ZBTB7C: variants seen among roughly 807,000 people sequenced by gnomAD.
The protein encoded by ZBTB7C is zinc finger and BTB domain-containing protein 7C.
Under a neutral mutation model 25.7 loss-of-function variants are expected in ZBTB7C, and 8 were observed. That is an observed-to-expected ratio of 0.31 (90% confidence interval 0.18 to 0.56). The LOEUF (loss-of-function observed/expected upper bound fraction) is 0.56. Ranked by LOEUF, ZBTB7C falls within the 20% of genes least tolerant of loss-of-function variation. The pLI, the probability that ZBTB7C is intolerant of heterozygous loss-of-function variation, is 0.91. For synonymous variants in ZBTB7C, 394 were observed against 369.0 expected, an observed-to-expected ratio of 1.07 and a Z score of -0.78; for missense variants, 824 against 855.2, an observed-to-expected ratio of 0.96 and a Z score of 0.46.
At chr18:48,158,270 C>G (rs1568265049) in intron 3 of ZBTB7C, among the ~76,000 whole-genome samples, 1 of 152,214 alleles carries the variant, frequency 6.6e-6, no homozygotes, top group Non-Finnish European at 1.5e-5. Flanking sequence ...TGCTTTTGGG[C>G]AGGGCTGCGA....
At chr18:48,231,865 G>C (rs71355335) in intron 2 of ZBTB7C, among the ~76,000 whole-genome samples, 3,305 of 152,336 alleles carry the variant, frequency 0.022, 62 homozygotes, top group Middle Eastern at 0.041. Flanking sequence ...CCCAGTGCCA[G>C]CCATGTAAGC....
At chr18:48,206,913 A>C (rs968777544) in intron 2 of ZBTB7C, among the ~76,000 whole-genome samples, 15 of 152,358 alleles carry the variant, frequency 9.8e-5, no homozygotes, top group African/African-American at 3.6e-4. Context: ...CACCATTAAA[A>C]GAGTAAAAAC....
chr18:48,342,428 C>G (rs2046625042), intron 1 of ZBTB7C, among the ~76,000 whole-genome samples: 1 of 151,970 alleles, frequency 6.6e-6, no homozygotes, highest in Non-Finnish European at 1.5e-5. Context: ...AGGGACAGGG[C>G]TGGGGGCAGG....
intron 3 of ZBTB7C, among the ~76,000 whole-genome samples, chr18:48,134,740 A>G (rs903547752): frequency 6.6e-6 from 1 of 152,248 alleles, no homozygotes; most frequent in African/African-American, 2.4e-5. Context: ...TGATCCAGAG[A>G]GAGATGCCAG....
chr18:48,355,425 C>T (rs2046956143), intron 1 of ZBTB7C, among the ~76,000 whole-genome samples: 1 of 152,188 alleles, frequency 6.6e-6, no homozygotes, highest in African/African-American at 2.4e-5. Context: ...CCCAGTTCGC[C>T]ACGGAATAAA....
chr18:48,349,694 C>A (rs766304211), intron 1 of ZBTB7C, among the ~76,000 whole-genome samples: 3 of 152,148 alleles, frequency 2.0e-5, no homozygotes, highest in Non-Finnish European at 4.4e-5. Context: ...ACTAGTTGGC[C>A]AGCCACACGC....
Position 48,040,899 on chromosome 18 carries a change from C to T in ZBTB7C, c.209G>A (p.Ser70Asn), listed in dbSNP as rs1013082900. 3 of 1,614,050 alleles carry T rather than the reference C, an allele frequency of 1.9e-6. No homozygotes were observed. The highest frequency in any genetic ancestry group is 2.7e-5 in the African/African-American group (2 of 74,916). ...GTCGATCTCATAGACGTAGGGCTGG[C>T]TGGCTAGGGTGCCGGCTGTGAAAAG... ...KKLFTAGTLA[S>N]QPYVYEIDFV... Residue 70 changes from serine to asparagine, a missense_variant, in exon 4 of 5, where the codon AGC (serine) becomes AAC (asparagine). Physicochemically the swap from Ser to Asn is conservative, Grantham distance 46. This residue lies in a region of ZBTB7C where 117 missense variants were observed against 167.7 expected (regional missense o/e 0.70). Coordinates refer to ENST00000590800, the MANE Select transcript of ZBTB7C (RefSeq NM_001318841.2).
intron 2 of ZBTB7C, among the ~76,000 whole-genome samples, chr18:48,234,235 ATT>A: frequency 6.6e-6 from 1 of 152,094 alleles, no homozygotes; most frequent in South Asian, 2.1e-4. Context: ...ACAATGCGTT[ATT>A]ATATACTATA....
intron 2 of ZBTB7C, among the ~76,000 whole-genome samples, chr18:48,324,492 T>C (rs949420562): frequency 6.6e-6 from 1 of 152,102 alleles, no homozygotes; most frequent in Non-Finnish European, 1.5e-5. Flanking sequence ...TGTGATGCTA[T>C]GGTCTGAATG....
At chr18:48,389,422 G>GT (rs1432639232) in intron 1 of ZBTB7C, among the ~76,000 whole-genome samples, 1 of 143,966 alleles carries the variant, frequency 6.9e-6, no homozygotes, top group Non-Finnish European at 1.5e-5. Flanking sequence ...TTCCTAATGT[G>GT]TGACCCAGAG....
At chr18:48,337,383 G>A (rs1476026659) in intron 2 of ZBTB7C, among the ~76,000 whole-genome samples, 1 of 152,206 alleles carries the variant, frequency 6.6e-6, no homozygotes, top group African/African-American at 2.4e-5. Flanking sequence ...AAAATCCATG[G>A]GAACAGGCTG....
intron 2 of ZBTB7C, among the ~76,000 whole-genome samples, chr18:48,318,726 G>C (rs371113677): frequency 2.0e-5 from 3 of 152,190 alleles, no homozygotes; most frequent in African/African-American, 7.2e-5. Context: ...CCAGCCCTCA[G>C]GCTCCGCACC....
At chr18:48,060,246 A>G (rs1000535741) in intron 3 of ZBTB7C, among the ~76,000 whole-genome samples, 5 of 152,030 alleles carry the variant, frequency 3.3e-5, no homozygotes, top group African/African-American at 1.2e-4. Flanking sequence ...CAGAGGGGAG[A>G]AGGAGGAGGG....
chr18:48,104,039 G>A (rs1399257197), intron 3 of ZBTB7C, among the ~76,000 whole-genome samples: 7 of 152,114 alleles, frequency 4.6e-5, no homozygotes, highest in Admixed American at 1.3e-4. Context: ...TGCAAACTCC[G>A]AATATACTAA....
At chr18:48,346,153 T>G (rs1192039065) in intron 1 of ZBTB7C, among the ~76,000 whole-genome samples, 1 of 152,186 alleles carries the variant, frequency 6.6e-6, no homozygotes, top group East Asian at 1.9e-4. Context: ...CTCAAACTCC[T>G]GACCTCAAGT....
chr18:48,056,722 C>T lies in ZBTB7C; in HGVS notation c.-16-15599G>A, dbSNP rs765719582. Among the ~76,000 whole-genome samples the T allele has an allele frequency of 5.9e-5, 9 of 152,068 alleles. No homozygotes were observed. In the South Asian group the frequency reaches 1.5e-3, roughly 25 times the overall value. The stretch of plus-strand genomic sequence containing the variant: ...AACAAAATAAAACTTGTATCCCTTC[C>T]TCACTCCTTACACCAAAACAAATGA... On this transcript the variant is annotated intron_variant, in intron 3 of 4. Coordinates refer to ENST00000590800, the MANE Select transcript of ZBTB7C (RefSeq NM_001318841.2).
chr18:48,320,561 G>A (rs946007003), intron 2 of ZBTB7C, among the ~76,000 whole-genome samples: 2 of 152,122 alleles, frequency 1.3e-5, no homozygotes, highest in South Asian at 4.1e-4. Flanking sequence ...GGTGAGAAGC[G>A]GCCAAACCCC....
intron 3 of ZBTB7C, among the ~76,000 whole-genome samples, chr18:48,093,595 G>T (rs2144566492): frequency 6.6e-6 from 1 of 151,404 alleles, no homozygotes; most frequent in South Asian, 2.1e-4. Flanking sequence ...CTGGCCTTAA[G>T]GGCAGCAGTG....
At chr18:48,100,114 G>A (rs1180191539) in intron 3 of ZBTB7C, among the ~76,000 whole-genome samples, 1 of 152,226 alleles carries the variant, frequency 6.6e-6, no homozygotes. Context: ...GTTTGGGGGA[G>A]TTGGATGCAT....
Sources: gnomAD v4.1 joint callset for allele counts (sites outside exome capture counted in the v4.1 genomes callset) on GRCh38, gnomAD v4.1.1 for gene constraint, gnomAD v4.1.1 regional missense constraint, MANE v1.5 for transcripts, NCBI Gene and HGNC (gene_info 2026-07-23, HGNC 2026-07-21) for gene names.